Variants in KSR1 observed in about 807,000 individuals in gnomAD.
KSR1 encodes the protein kinase suppressor of ras 1, also known as kinase suppressor of ras.
In KSR1, 35 loss-of-function variants were observed where a neutral mutation model predicts 92.9. The observed-to-expected ratio is 0.38, with a 90% confidence interval of 0.29 to 0.50. The LOEUF is 0.50. KSR1 is among the 20% of genes least tolerant of loss of function. The pLI is 0.94. For missense variants in KSR1, 972 were observed against 1,158.5 expected, an observed-to-expected ratio of 0.84 and a Z score of 2.34; for synonymous variants, 467 against 472.6, an observed-to-expected ratio of 0.99 and a Z score of 0.15.
intron 1 of KSR1, among the ~76,000 whole-genome samples, chr17:27,523,404 A>G (rs574534789): frequency 9.3e-4 from 142 of 152,086 alleles, no homozygotes; most frequent in African/African-American, 3.3e-3. Flanking sequence ...AAAAAAAGGA[A>G]AGATACCATT....
At chr17:27,561,907 G>A (rs770216229) in intron 2 of KSR1, among the ~76,000 whole-genome samples, 16 of 152,046 alleles carry the variant, frequency 1.1e-4, no homozygotes, top group African/African-American at 3.4e-4. Context: ...GTAGAGTGAC[G>A]CAATCTTGGC....
At chr17:27,595,569 C>T (rs542661349) in intron 9 of KSR1, among the ~76,000 whole-genome samples, 21 of 152,318 alleles carry the variant, frequency 1.4e-4, no homozygotes, top group African/African-American at 4.3e-4. Flanking sequence ...AAACCCAGTG[C>T]TCTTTTTGGC....
intron 3 of KSR1, among the ~76,000 whole-genome samples, chr17:27,580,986 C>T (rs1352999990): frequency 6.6e-6 from 1 of 152,026 alleles, no homozygotes; most frequent in South Asian, 2.1e-4. Context: ...AGGTTGGTCT[C>T]GAACTCCTGA....
intron 2 of KSR1, among the ~76,000 whole-genome samples, chr17:27,571,959 C>T (rs991739191): frequency 1.1e-4 from 16 of 152,214 alleles, no homozygotes; most frequent in Non-Finnish European, 1.6e-4. Flanking sequence ...CCATTTGATA[C>T]CTAACTGGCC....
At chr17:27,584,147 C>G (rs939756736) in intron 4 of KSR1, among the ~76,000 whole-genome samples, 10 of 152,070 alleles carry the variant, frequency 6.6e-5, no homozygotes, top group African/African-American at 2.4e-4. Flanking sequence ...CTTCTTGTAC[C>G]CCTGAGGATT....
At chr17:27,605,291 C>T (rs2073710878) in intron 13 of KSR1, 143 bp from the exon 14 acceptor site, 2 of 1,052,636 alleles carry the variant, frequency 1.9e-6, no homozygotes, top group African/African-American at 3.2e-5. Context: ...CACAGCAGGC[C>T]AGTGCAGAGC....
At chr17:27,479,635 C>T (rs566119853) in intron 1 of KSR1, among the ~76,000 whole-genome samples, 2 of 152,278 alleles carry the variant, frequency 1.3e-5, no homozygotes, top group African/African-American at 4.8e-5. Flanking sequence ...ATGAGACAGA[C>T]GCTTGGACTT....
intron 1 of KSR1, among the ~76,000 whole-genome samples, chr17:27,544,336 G>A (rs1387535274): frequency 6.6e-6 from 1 of 152,178 alleles, no homozygotes; most frequent in African/African-American, 2.4e-5. Flanking sequence ...AACTCACTTG[G>A]CCTCAACCTC....
intron 19 of KSR1, among the ~76,000 whole-genome samples, chr17:27,618,727 C>T (rs1326598845): frequency 8.5e-5 from 13 of 152,162 alleles, no homozygotes; most frequent in Admixed American, 8.5e-4. Context: ...GTATTTTTGC[C>T]CCCCAACCAT....
chr17:27,619,490 C>T (rs1306321897), intron 19 of KSR1, among the ~76,000 whole-genome samples: 2 of 151,638 alleles, frequency 1.3e-5, no homozygotes. Flanking sequence ...CTCCACCTCC[C>T]GGGTTCAAGC....
chr17:27,547,604 C>G (rs879457866), intron 1 of KSR1, among the ~76,000 whole-genome samples: 1 of 152,140 alleles, frequency 6.6e-6, no homozygotes, highest in Non-Finnish European at 1.5e-5. Flanking sequence ...GACTCTATCA[C>G]AGGTTTTTTT....
At chr17:27,623,196 C>T in intron 20 of KSR1, 118 bp from the exon 21 acceptor site, 1 of 697,526 alleles carries the variant, frequency 1.4e-6, no homozygotes, top group Non-Finnish European at 2.6e-6. Context: ...GCCAATCAGT[C>T]ATTTTCATTT....
At chr17:27,572,292 C>T (rs909224204) in intron 2 of KSR1, among the ~76,000 whole-genome samples, 4 of 152,242 alleles carry the variant, frequency 2.6e-5, no homozygotes, top group Non-Finnish European at 4.4e-5. Context: ...CCTGCATCCC[C>T]ACCTGTGTGC....
intron 2 of KSR1, among the ~76,000 whole-genome samples, chr17:27,572,706 T>A (rs1421356458): frequency 2.0e-5 from 3 of 152,214 alleles, no homozygotes; most frequent in Non-Finnish European, 2.9e-5. Context: ...TTAGAGATGA[T>A]CCAGGAAAGT....
chr17:27,547,034 G>T (rs955596180), intron 1 of KSR1, among the ~76,000 whole-genome samples: 2 of 152,196 alleles, frequency 1.3e-5, no homozygotes, highest in Non-Finnish European at 2.9e-5. Context: ...ACAGTTGAGA[G>T]TGTGGAATTA....
In KSR1 at chr17:27,582,654, C is replaced by T; in HGVS notation, c.529C>T (p.His177Tyr). 1.2e-6 allele frequency: 2 copies of T among 1,607,846 alleles called. No individual in the cohort carries two copies. The highest frequency in any genetic ancestry group is 1.7e-6 in the Non-Finnish European group (2 of 1,175,918). ...LRKVTGLGGE[H>Y]KEDSSWSSLD... The stretch of plus-strand genomic sequence containing the variant: ...CACGTCTTGGTCCACAGGAGGGGAG[C>T]ACAAGGAGGACTCCAGTTGGAGTTC... Residue 177 changes from histidine to tyrosine, a missense_variant, in exon 4 of 21, where the codon CAC (histidine) becomes TAC (tyrosine). Coordinates refer to ENST00000644974, the MANE Select transcript of KSR1 (RefSeq NM_001394583.1).
intron 1 of KSR1, among the ~76,000 whole-genome samples, chr17:27,515,415 A>G (rs2069749226): frequency 6.6e-6 from 1 of 152,176 alleles, no homozygotes; most frequent in Non-Finnish European, 1.5e-5. Flanking sequence ...CATGTTTCTC[A>G]GAACGTATTT....
intron 17 of KSR1, 38 bp from the exon 18 acceptor site, chr17:27,611,456 C>T (rs746459078): frequency 4.1e-5 from 66 of 1,612,656 alleles, no homozygotes; most frequent in South Asian, 2.6e-4. Context: ...CTGGGCACAG[C>T]GGCCCAGGAG....
chr17:27,611,457 G>A lies in KSR1; in HGVS notation c.2358-37G>A, dbSNP rs377531007. The A allele has an allele frequency of 1.1e-3, 1,724 of 1,613,248 alleles. 2 individuals are homozygous for A. The highest frequency in any genetic ancestry group is 1.3e-3 in the Non-Finnish European group (1,553 of 1,179,432). On this transcript the variant is annotated intron_variant, in intron 17 of 20. Transcript: ENST00000644974. Reference sequence around the variant, plus strand: ...CCCCTGGGCTTGAGCTGGGCACAGCGGCCCAGGAGCTCACAGACATGGCTG... The same window carrying A: ...CCCCTGGGCTTGAGCTGGGCACAGCAGCCCAGGAGCTCACAGACATGGCTG...
Sources: allele counts gnomAD v4.1 joint callset (sites outside exome capture counted in the v4.1 genomes callset), GRCh38; gene constraint gnomAD v4.1.1; transcripts MANE v1.5; gene names NCBI Gene and HGNC (gene_info 2026-07-23, HGNC 2026-07-21).